CDH12: variants seen among roughly 807,000 people sequenced by gnomAD.
CDH12 encodes the protein cadherin-12.
In CDH12, 41 loss-of-function variants were observed where a neutral mutation model predicts 74.1. That is an observed-to-expected ratio of 0.55 (90% CI 0.43 to 0.72). The LOEUF (loss-of-function observed/expected upper bound fraction) is 0.72. Ranked by LOEUF, CDH12 falls within the 30% of genes least tolerant of loss-of-function variation. CDH12 has a pLI of 0.00. For missense variants in CDH12, 945 were observed against 977.2 expected, an observed-to-expected ratio of 0.97 and a Z score of 0.44; for synonymous variants, 399 against 355.0, an observed-to-expected ratio of 1.12 and a Z score of -1.39.
chr5:22,425,810 C>T (rs117807492), intron 2 of CDH12, among the ~76,000 whole-genome samples: 5 of 152,226 alleles, frequency 3.3e-5, no homozygotes, highest in East Asian at 3.9e-4. Context: ...GGTACAGACA[C>T]GCACAGAGGT....
At chr5:22,538,941 G>A (rs1203795187) in intron 1 of CDH12, among the ~76,000 whole-genome samples, 1 of 152,126 alleles carries the variant, frequency 6.6e-6, no homozygotes. Flanking sequence ...TGTTGCCCAG[G>A]CTGTGTTCCA....
chr5:21,788,666 T>C (rs1746328517), intron 10 of CDH12, among the ~76,000 whole-genome samples: 1 of 152,110 alleles, frequency 6.6e-6, no homozygotes, highest in Non-Finnish European at 1.5e-5. Context: ...TCCAAACATC[T>C]TTCACTTACA....
chr5:22,634,465 C>T (rs1055826393), intron 1 of CDH12, among the ~76,000 whole-genome samples: 5 of 151,964 alleles, frequency 3.3e-5, no homozygotes, highest in African/African-American at 1.2e-4. Flanking sequence ...ACAAAATATC[C>T]TTTAAGACAA....
intron 3 of CDH12, among the ~76,000 whole-genome samples, chr5:22,400,111 T>C (rs1742654067): frequency 6.6e-6 from 1 of 152,150 alleles, no homozygotes; most frequent in Non-Finnish European, 1.5e-5. Flanking sequence ...CTTCCCCCCT[T>C]TCTAGTGGTT....
chr5:22,581,181 T>C (rs369937572), intron 1 of CDH12, among the ~76,000 whole-genome samples: 45 of 152,296 alleles, frequency 3.0e-4, no homozygotes, highest in East Asian at 2.9e-3. Context: ...AGGTCTTCAC[T>C]GCAGCCCCTC....
At chr5:22,767,407 G>T (rs1428125971) in intron 1 of CDH12, among the ~76,000 whole-genome samples, 7 of 151,886 alleles carry the variant, frequency 4.6e-5, no homozygotes, top group Non-Finnish European at 7.4e-5. Context: ...ATATGATAGT[G>T]CTTACTGTTC....
At chr5:22,340,240 T>A (rs1400013498) in intron 3 of CDH12, among the ~76,000 whole-genome samples, 1 of 152,140 alleles carries the variant, frequency 6.6e-6, no homozygotes, top group African/African-American at 2.4e-5. Context: ...TTTCAAAAAA[T>A]TCTGGGCTGG....
intron 3 of CDH12, among the ~76,000 whole-genome samples, chr5:22,300,704 T>G (rs1255106532): frequency 1.3e-5 from 2 of 152,242 alleles, no homozygotes; most frequent in Non-Finnish European, 2.9e-5. Flanking sequence ...ATTAGGAAAC[T>G]GATTTTTGGA....
At chr5:22,375,427 A>T (rs2126360212) in intron 3 of CDH12, among the ~76,000 whole-genome samples, 1 of 152,274 alleles carries the variant, frequency 6.6e-6, no homozygotes, top group African/African-American at 2.4e-5. Context: ...ACAGACAACT[A>T]ACTGTAACAC....
At chr5:21,929,398 C>A (rs1429581311) in intron 6 of CDH12, among the ~76,000 whole-genome samples, 2 of 151,520 alleles carry the variant, frequency 1.3e-5, no homozygotes, top group African/African-American at 2.4e-5. Flanking sequence ...AGTGACAGAT[C>A]ATCAGGCATT....
chr5:22,500,154 G>A (rs1355570021), intron 2 of CDH12, among the ~76,000 whole-genome samples: 2 of 152,038 alleles, frequency 1.3e-5, no homozygotes, highest in African/African-American at 4.8e-5. Flanking sequence ...TTTAAAATTT[G>A]ATTAAAGTTT....
chr5:21,786,975 A>G (rs1211845058), intron 10 of CDH12, among the ~76,000 whole-genome samples: 2 of 152,198 alleles, frequency 1.3e-5, no homozygotes, highest in African/African-American at 4.8e-5. Flanking sequence ...AATTGCTGCA[A>G]TTTCATGATA....
chr5:21,836,055 A>G (rs2149978399), intron 8 of CDH12, among the ~76,000 whole-genome samples: 1 of 151,912 alleles, frequency 6.6e-6, no homozygotes, highest in Non-Finnish European at 1.5e-5. Context: ...GTAAACAAAG[A>G]CAAAATATTG....
chr5:22,316,834 G>A (rs1228581419), intron 3 of CDH12, among the ~76,000 whole-genome samples: 4 of 152,116 alleles, frequency 2.6e-5, no homozygotes. Flanking sequence ...AGACATGTCA[G>A]ATGAACAGTT....
At chr5:22,014,400 T>C (rs1366379133) in intron 5 of CDH12, among the ~76,000 whole-genome samples, 4 of 152,166 alleles carry the variant, frequency 2.6e-5, no homozygotes, top group Non-Finnish European at 5.9e-5. Context: ...AATATATATC[T>C]TAAACATATG....
intron 1 of CDH12, among the ~76,000 whole-genome samples, chr5:22,570,785 T>C (rs558651293): frequency 3.3e-5 from 5 of 152,240 alleles, no homozygotes; most frequent in Admixed American, 3.3e-4. Context: ...AAGCCAGGAA[T>C]TGACTTCTCT....
intron 1 of CDH12, among the ~76,000 whole-genome samples, chr5:22,672,202 G>T (rs1740942489): frequency 7.1e-6 from 1 of 140,390 alleles, no homozygotes; most frequent in Non-Finnish European, 1.5e-5. Flanking sequence ...CCATCTCTTT[G>T]TCTCCCAACA....
intron 6 of CDH12, among the ~76,000 whole-genome samples, chr5:21,926,791 G>A (rs377081711): frequency 2.0e-5 from 3 of 152,262 alleles, no homozygotes; most frequent in East Asian, 1.9e-4. Context: ...AGTGAAGGCC[G>A]AGTGCATGCA....
intron 4 of CDH12, among the ~76,000 whole-genome samples, chr5:22,153,903 T>TATACACACAC (rs1478012877): frequency 1.3e-4 from 14 of 111,126 alleles, no homozygotes; most frequent in South Asian, 2.9e-4. Flanking sequence ...TATATATATA[T>TATACACACAC]ACACACACAT....
Sources: gnomAD v4.1 joint callset for allele counts (sites outside exome capture counted in the v4.1 genomes callset) on GRCh38, gnomAD v4.1.1 for gene constraint, MANE v1.5 for transcripts, NCBI Gene and HGNC (gene_info 2026-07-23, HGNC 2026-07-21) for gene names.